Variants in PCDH15 observed in about 807,000 individuals in gnomAD.
The protein encoded by PCDH15 is protocadherin-15.
In PCDH15, 129 loss-of-function variants were observed where a neutral mutation model predicts 178.5. The ratio of observed to expected loss-of-function variants is 0.72; its 90% CI spans 0.63 to 0.84. The LOEUF is 0.84. PCDH15 is among the 40% of genes least tolerant of loss of function. The pLI is 0.00. For synonymous variants in PCDH15, 800 were observed against 732.0 expected, an observed-to-expected ratio of 1.09 and a Z score of -1.50; for missense variants, 2,230 against 2,099.9, an observed-to-expected ratio of 1.06 and a Z score of -1.21.
chr10:54,824,588 T>C (rs12414343), intron 3 of PCDH15, among the ~76,000 whole-genome samples: 2 of 151,882 alleles, frequency 1.3e-5, no homozygotes, highest in African/African-American at 4.8e-5. Flanking sequence ...ATTTGTGGAA[T>C]AGGAAGAAAT....
chr10:53,987,744 C>T (rs967359672), intron 21 of PCDH15, among the ~76,000 whole-genome samples: 3 of 152,078 alleles, frequency 2.0e-5, no homozygotes, highest in Non-Finnish European at 1.5e-5. Flanking sequence ...AACTATGGTC[C>T]TTCATTTAAA....
Position 53,920,678 on chromosome 10 carries a change from C to G in PCDH15, c.3374-17308G>C, listed in dbSNP as rs576948281. On this transcript the variant is annotated intron_variant, in intron 25 of 37. Transcript: ENST00000644397. The stretch of plus-strand genomic sequence containing the variant: ...CCTTTCTATGCCTTTTCTAAAATAT[C>G]TCTTTCATCTAAAGAACCTGTGGAG... Among the ~76,000 whole-genome samples, 75 of 152,256 alleles carry G rather than the reference C, an allele frequency of 4.9e-4. 2 individuals carry two copies. The South Asian group carries it at 7.0e-3, about 14-fold the overall frequency.
chr10:55,261,350 GA>G (rs1842141051), intron 1 of PCDH15, among the ~76,000 whole-genome samples: 1 of 152,030 alleles, frequency 6.6e-6, no homozygotes, highest in African/African-American at 2.4e-5. Flanking sequence ...TGTACATGAG[GA>G]AAAAAGGGGC....
At chr10:55,084,450 G>A (rs1293546901) in intron 2 of PCDH15, among the ~76,000 whole-genome samples, 1 of 129,850 alleles carries the variant, frequency 7.7e-6, no homozygotes, top group Admixed American at 9.0e-5. Context: ...TTAAATCTAA[G>A]ACCTCAAGCT....
At chr10:55,187,022 A>G (rs1839817223) in intron 1 of PCDH15, among the ~76,000 whole-genome samples, 2 of 151,948 alleles carry the variant, frequency 1.3e-5, no homozygotes, top group Admixed American at 1.3e-4. Context: ...GAATAAATGC[A>G]CTTATTTTTT....
intron 15 of PCDH15, among the ~76,000 whole-genome samples, chr10:54,128,745 T>C (rs1329931772): frequency 1.3e-5 from 2 of 152,222 alleles, no homozygotes; most frequent in African/African-American, 2.4e-5. Flanking sequence ...TGCTCAATTG[T>C]GCTTTATTCA....
At chr10:54,874,906 T>G (rs1954112070) in intron 3 of PCDH15, among the ~76,000 whole-genome samples, 1 of 152,192 alleles carries the variant, frequency 6.6e-6, no homozygotes. Flanking sequence ...CATTGTTTAT[T>G]GGAGGAGGCT....
intron 3 of PCDH15, among the ~76,000 whole-genome samples, chr10:54,418,490 T>A (rs1389503701): frequency 1.3e-5 from 2 of 151,806 alleles, no homozygotes; most frequent in African/African-American, 4.9e-5. Context: ...TTCACTCTAA[T>A]CTACTCTTAT....
intron 2 of PCDH15, among the ~76,000 whole-genome samples, chr10:54,577,255 T>TG (rs1052598006): frequency 1.3e-5 from 2 of 150,642 alleles, no homozygotes; most frequent in African/African-American, 4.9e-5. Flanking sequence ...GCTAATTTTT[T>TG]TTTTTTTTTG....
chr10:54,812,635 T>C (rs903075465), intron 3 of PCDH15, among the ~76,000 whole-genome samples: 2 of 152,026 alleles, frequency 1.3e-5, no homozygotes, highest in African/African-American at 4.8e-5. Context: ...ATTTTTATAT[T>C]TTTAGTAGAG....
chr10:54,668,654 A>C (rs1396653034), intron 1 of PCDH15, among the ~76,000 whole-genome samples: 1 of 152,210 alleles, frequency 6.6e-6, no homozygotes, highest in African/African-American at 2.4e-5. Flanking sequence ...GCAGTGACAC[A>C]TGGCAAAAGC....
intron 21 of PCDH15, among the ~76,000 whole-genome samples, chr10:53,970,786 G>C (rs1416872881): frequency 6.6e-6 from 1 of 152,034 alleles, no homozygotes; most frequent in Non-Finnish European, 1.5e-5. Context: ...CTGAAATTGA[G>C]GCAATAATTA....
At chr10:54,405,877 T>C (rs1952602095) in intron 3 of PCDH15, among the ~76,000 whole-genome samples, 1 of 151,816 alleles carries the variant, frequency 6.6e-6, no homozygotes, top group Admixed American at 6.6e-5. Context: ...TTTAATTCTT[T>C]TAAAAAAGAA....
At chr10:55,444,135 G>A (rs548995172) in intron 2 of PCDH15, among the ~76,000 whole-genome samples, 1 of 151,934 alleles carries the variant, frequency 6.6e-6, no homozygotes, top group African/African-American at 2.4e-5. Context: ...GGCCTATCGG[G>A]GGGTGGGGGG....
At chr10:55,361,191 G>C (rs1291516621) in intron 2 of PCDH15, among the ~76,000 whole-genome samples, 4 of 151,998 alleles carry the variant, frequency 2.6e-5, no homozygotes, top group Non-Finnish European at 5.9e-5. Context: ...CTTGGTGGTG[G>C]TGGTGGTAGA....
intron 23 of PCDH15, among the ~76,000 whole-genome samples, chr10:53,959,361 G>C (rs12252886): frequency 0.011 from 1,612 of 151,620 alleles, 28 homozygotes; most frequent in African/African-American, 0.034. Context: ...TATGATTGCA[G>C]ATTGCATGCC....
At chr10:54,517,028 C>G (rs908503209) in intron 3 of PCDH15, among the ~76,000 whole-genome samples, 2 of 152,028 alleles carry the variant, frequency 1.3e-5, no homozygotes, top group Non-Finnish European at 2.9e-5. Context: ...TTTGTCACCA[C>G]CAGGCCTGCC....
intron 13 of PCDH15, among the ~76,000 whole-genome samples, chr10:54,170,253 C>T (rs1439946955): frequency 1.2e-5 from 1 of 86,322 alleles, no homozygotes; most frequent in Non-Finnish European, 2.5e-5. Flanking sequence ...TCTCAAACCA[C>T]AGCAACTTCT....
intron 35 of PCDH15, among the ~76,000 whole-genome samples, chr10:53,813,117 A>T (rs577170600): frequency 6.6e-6 from 1 of 150,686 alleles, no homozygotes; most frequent in Non-Finnish European, 1.5e-5. Flanking sequence ...CACTAGGATC[A>T]TATTTTTACA....
Sources: allele counts gnomAD v4.1 joint callset (sites outside exome capture counted in the v4.1 genomes callset), GRCh38; gene constraint gnomAD v4.1.1; transcripts MANE v1.5; gene names NCBI Gene and HGNC (gene_info 2026-07-23, HGNC 2026-07-21).